The following CEACAM21 variants were observed in gnomAD, a reference collection of about 807,000 sequenced individuals.
CEACAM21 encodes the protein cell adhesion molecule CEACAM21.
CEACAM21 carries 38 observed loss-of-function variants against 33.2 expected under a neutral mutation model. The ratio of observed to expected loss-of-function variants is 1.14; its 90% confidence interval spans 0.88 to 1.50. CEACAM21 has a LOEUF of 1.50. Ranked by LOEUF, CEACAM21 falls within the 40% of genes most tolerant of loss-of-function variation. CEACAM21 has a pLI of 0.00. For missense variants in CEACAM21, 385 were observed against 364.6 expected (o/e 1.06, Z -0.46); for synonymous variants, 156 against 143.0 (o/e 1.09, Z -0.65).
intron 2 of CEACAM21, among the ~76,000 whole-genome samples, chr19:41,569,686 G>C (rs1195426267): frequency 2.6e-5 from 4 of 152,104 alleles, no homozygotes; most frequent in African/African-American, 4.8e-5. Flanking sequence ...AGCCTCCCAT[G>C]CCTGCTTTGC....
intron 1 of CEACAM21, among the ~76,000 whole-genome samples, chr19:41,562,298 G>GA (rs1392922113): frequency 6.6e-6 from 1 of 150,434 alleles, no homozygotes; most frequent in Non-Finnish European, 1.5e-5. Flanking sequence ...TATAAAGAAA[G>GA]TTTTTTTTAA....
intron 1 of CEACAM21, among the ~76,000 whole-genome samples, chr19:41,557,070 A>C (rs1555785762): frequency 1.3e-5 from 2 of 152,200 alleles, no homozygotes; most frequent in African/African-American, 4.8e-5. Flanking sequence ...ACTTCATAAA[A>C]AGCCAAGGAT....
intron 1 of CEACAM21, 70 bp from the exon 2 acceptor site, chr19:41,577,130 C>T (rs2043006231): frequency 5.7e-5 from 91 of 1,585,512 alleles, no homozygotes; most frequent in Non-Finnish European, 7.5e-5. Context: ...AAGAGACCTG[C>T]ACCCAGGACC....
chr19:41,566,983 G>T (rs548667431), intron 2 of CEACAM21, among the ~76,000 whole-genome samples: 2 of 152,082 alleles, frequency 1.3e-5, no homozygotes, highest in African/African-American at 4.8e-5. Flanking sequence ...AATCTCTCTT[G>T]TGTCTTCCTG....
chr19:41,580,554 C>G (rs2043300775), intron 3 of CEACAM21, among the ~76,000 whole-genome samples: 1 of 152,114 alleles, frequency 6.6e-6, no homozygotes, highest in South Asian at 2.1e-4. Context: ...TCAAACAGCT[C>G]TCAGGACTCA....
intron 2 of CEACAM21, among the ~76,000 whole-genome samples, chr19:41,567,311 A>T (rs1366666960): frequency 6.6e-6 from 1 of 152,222 alleles, no homozygotes; most frequent in Admixed American, 6.5e-5. Flanking sequence ...GAACAAATTA[A>T]GGCTATTTAA....
intron 1 of CEACAM21, among the ~76,000 whole-genome samples, chr19:41,558,652 C>T (rs1173808077): frequency 2.0e-5 from 3 of 151,776 alleles, no homozygotes; most frequent in African/African-American, 7.3e-5. Flanking sequence ...GACTCAAAAA[C>T]AACAACAACA....
chr19:41,577,101 C>CA, intron 1 of CEACAM21, 99 bp from the exon 2 acceptor site: 1 of 1,337,024 alleles, frequency 7.5e-7, no homozygotes, highest in African/African-American at 1.5e-5. Context: ...ACACACACAC[C>CA]CTCTAAGGCT....
intron 1 of CEACAM21, 112 bp from the exon 2 acceptor site, chr19:41,577,088 C>G: frequency 1.6e-6 from 2 of 1,221,648 alleles, no homozygotes; most frequent in Non-Finnish European, 2.3e-6. Context: ...AGGACACACA[C>G]ACACACACAC....
rs1327917810 is a variant in CEACAM21 at position 41,586,489 on chromosome 19, T to G, written c.*26T>G. Reference sequence around the variant, plus strand: ...GAATTGCTACACTCTGACACAAACATTTACTGCTGGATCGACCACAAAGCA... The same window carrying G: ...GAATTGCTACACTCTGACACAAACAGTTACTGCTGGATCGACCACAAAGCA... On this transcript the variant is annotated 3_prime_UTR_variant, in exon 7 of 7. Transcript: ENST00000401445. 2 of 637,494 alleles carry G rather than the reference T, an allele frequency of 3.1e-6. No homozygotes were observed. The highest frequency in any genetic ancestry group is 3.7e-5 in the African/African-American group (2 of 54,326). 39.5% of individuals were successfully genotyped at this position (637,494 alleles called of 1,614,324 possible). A position where few individuals can be genotyped will look rare whatever the true frequency, so the allele number is the denominator to read the frequency against.
upstream of CEACAM21, among the ~76,000 whole-genome samples, chr19:41,574,082 A>T (rs56265953): frequency 1.3e-5 from 2 of 152,182 alleles, no homozygotes; most frequent in Non-Finnish European, 2.9e-5. Flanking sequence ...GGGTGCCAAG[A>T]TTCCTCAATG....
At chr19:41,549,701 T>A (rs1555783792) in intron 1 of CEACAM21, 1 of 152,176 alleles carries the variant, frequency 6.6e-6, no homozygotes, top group African/African-American at 2.4e-5. Context: ...TCTTTTTGTC[T>A]TTTTAGAAAG....
rs1555794518 is a variant in CEACAM21 at position 41,584,437 on chromosome 19, C to T, written c.791C>T (p.Thr264Ile). 1.2e-6 allele frequency: 2 copies of T among 1,603,700 alleles called. No individual in the cohort carries two copies. Residue 264 changes from threonine (T) to isoleucine (I), a missense_variant, in exon 4 of 7, where the codon ACT (threonine) becomes ATT (isoleucine). Transcript: ENST00000401445. ...GTGTGTTTCCTGCTCCTCCGAAAAA[C>T]TGGCAGGTACCACAGCTTTTCCCCA... ...ALVCFLLLRKTGRASDQSDFR... is the reference protein window; with the variant it reads ...ALVCFLLLRKIGRASDQSDFR...
At chr19:41,581,877 C>T (rs2043417833) in intron 3 of CEACAM21, among the ~76,000 whole-genome samples, 1 of 152,122 alleles carries the variant, frequency 6.6e-6, no homozygotes, top group Non-Finnish European at 1.5e-5. Flanking sequence ...GTCATTCCAC[C>T]CGACCCCTCC....
At chr19:41,578,813 A>G (rs1555792228) in intron 2 of CEACAM21, among the ~76,000 whole-genome samples, 1 of 152,166 alleles carries the variant, frequency 6.6e-6, no homozygotes, top group East Asian at 1.9e-4. Context: ...CTCCCATGGG[A>G]GGATGAAGGA....
chr19:41,583,901 G>T (rs756433879), intron 3 of CEACAM21, among the ~76,000 whole-genome samples: 13 of 150,822 alleles, frequency 8.6e-5, no homozygotes, highest in Admixed American at 7.9e-4. Flanking sequence ...GGGAGGGTGA[G>T]AAAAGCTGCA....
chr19:41,581,049 C>T (rs1226143907), intron 3 of CEACAM21, among the ~76,000 whole-genome samples: 2 of 152,188 alleles, frequency 1.3e-5, no homozygotes, highest in African/African-American at 2.4e-5. Context: ...GGGAGCAAGC[C>T]CCCCAAAATC....
intron 3 of CEACAM21, among the ~76,000 whole-genome samples, chr19:41,582,057 C>A (rs1600278295): frequency 6.6e-6 from 1 of 152,224 alleles, no homozygotes; most frequent in Admixed American, 6.5e-5. Flanking sequence ...TTAGTTACTT[C>A]CTAGATATAA....
At position 41,584,923 on chromosome 19, in the gene CEACAM21, A is replaced by G. The variant is rs887919008; in HGVS notation, c.797+480A>G. Among the ~76,000 whole-genome samples the G allele has an allele frequency of 2.0e-5, 3 of 152,206 alleles. No homozygotes were observed. In the South Asian group the frequency reaches 6.2e-4, roughly 31 times the overall value. On this transcript the variant is annotated intron_variant, in intron 4 of 6. Coordinates refer to ENST00000401445, the MANE Select transcript of CEACAM21 (RefSeq NM_001098506.4). Reference sequence around the variant, plus strand: ...GTGAGAAGGGAGAACCGGGGCCCCAATATGGCATATCCTGGAATGTCGTTT... The same window carrying G: ...GTGAGAAGGGAGAACCGGGGCCCCAGTATGGCATATCCTGGAATGTCGTTT...
Sources: gnomAD v4.1 joint callset for allele counts (sites outside exome capture counted in the v4.1 genomes callset) on GRCh38, gnomAD v4.1.1 for gene constraint, MANE v1.5 for transcripts, NCBI Gene and HGNC (gene_info 2026-07-23, HGNC 2026-07-21) for gene names.